Variants in PRKDC observed in about 807,000 individuals in gnomAD.
The protein encoded by PRKDC is protein kinase, DNA-activated, catalytic subunit.
PRKDC carries 82 observed loss-of-function variants against 486.9 expected under a neutral mutation model. The ratio of observed to expected loss-of-function variants is 0.17; its 90% CI spans 0.14 to 0.20. The LOEUF (loss-of-function observed/expected upper bound fraction) is 0.20. Among genes scored for constraint, PRKDC ranks in the 10% least tolerant of loss-of-function variants. PRKDC has a pLI of 1.00. For missense variants in PRKDC, 4,504 were observed against 5,038.2 expected (o/e 0.89, Z 3.21); for synonymous variants, 1,895 against 1,837.0 (o/e 1.03, Z -0.81).
chr8:47,935,586 A>G (rs2090336233), intron 13 of PRKDC, 146 bp downstream of exon 13: 2 of 680,494 alleles, frequency 2.9e-6, no homozygotes, highest in Non-Finnish European at 2.3e-6. Flanking sequence ...GAAAAAAAGG[A>G]AAAGATTTTG....
chr8:47,789,749 C>T (rs2086854837), intron 74 of PRKDC, among the ~76,000 whole-genome samples: 1 of 152,088 alleles, frequency 6.6e-6, no homozygotes, highest in South Asian at 2.1e-4. Context: ...AAGGATAGAT[C>T]AAATCAATCA....
At chr8:47,922,558 G>C (rs540555159) in intron 21 of PRKDC, among the ~76,000 whole-genome samples, 1 of 151,222 alleles carries the variant, frequency 6.6e-6, no homozygotes, top group Non-Finnish European at 1.5e-5. Context: ...CTCATCCCTC[G>C]GTCAATCAAA....
chr8:47,944,925 A>C (rs2090506349), intron 7 of PRKDC, among the ~76,000 whole-genome samples: 1 of 152,234 alleles, frequency 6.6e-6, no homozygotes, highest in South Asian at 2.1e-4. Context: ...ATGAGATACA[A>C]AAAAAGCTAC....
intron 64 of PRKDC, 141 bp downstream of exon 64, chr8:47,823,717 A>T (rs370960725): frequency 2.6e-5 from 26 of 983,370 alleles, no homozygotes; most frequent in East Asian, 1.7e-4. Flanking sequence ...AAGGAAACCA[A>T]TTTTCTTCCT....
chr8:47,903,094 G>GA lies in PRKDC; in HGVS notation c.3043-300dup, dbSNP rs562953406. On this transcript the variant is annotated intron_variant, in intron 26 of 85. Coordinates refer to ENST00000314191, the MANE Select transcript of PRKDC (RefSeq NM_006904.7). Reference sequence around the variant, plus strand: ...TAACAAAACAATCTTTCCCTTCCCTGAAAAAAAAGAAAATGGCTATATCCT... The same window carrying GA: ...TAACAAAACAATCTTTCCCTTCCCTGAAAAAAAAAGAAAATGGCTATATCCT... 4.5e-4 allele frequency among the ~76,000 whole-genome samples: 69 copies of GA among 151,910 alleles called. No homozygotes were observed. In the East Asian group the frequency reaches 0.012, roughly 26 times the overall value.
rs3213447 is a variant in PRKDC at position 47,888,919 on chromosome 8, C to T, written c.4280+95G>A. ...CAAACATCCCACTGATATAAGCCTT[C>T]CCTGAGGAAGCAGGAGCAGCTGCAG... On this transcript the variant is annotated intron_variant, in intron 33 of 85. Coordinates refer to ENST00000314191, the MANE Select transcript of PRKDC (RefSeq NM_006904.7). 1,925 of 1,309,344 alleles carry T rather than the reference C, an allele frequency of 1.5e-3. 38 individuals carry two copies. The East Asian group carries it at 0.023, about 16-fold the overall frequency. 81.1% of individuals were successfully genotyped at this position (1,309,344 alleles called of 1,614,324 possible). A position where few individuals can be genotyped will look rare whatever the true frequency, so the allele number is the denominator to read the frequency against.
chr8:47,791,677 G>A (rs975230390), intron 74 of PRKDC, among the ~76,000 whole-genome samples: 15 of 152,024 alleles, frequency 9.9e-5, no homozygotes, highest in Admixed American at 9.2e-4. Context: ...AAACCACAAC[G>A]AGGTATCATC....
chr8:47,804,238 C>A (rs1310553242), intron 69 of PRKDC, among the ~76,000 whole-genome samples: 5 of 151,528 alleles, frequency 3.3e-5, no homozygotes, highest in East Asian at 1.9e-4. Flanking sequence ...GTTGCAGCAC[C>A]TGTCAGCACT....
chr8:47,937,754 C>T (rs1379063888), intron 11 of PRKDC, among the ~76,000 whole-genome samples: 1 of 152,148 alleles, frequency 6.6e-6, no homozygotes, highest in East Asian at 1.9e-4. Flanking sequence ...GAGCCTTCTG[C>T]CATTCTGTTT....
chr8:47,788,774 AACAG>A (rs2086835691), intron 76 of PRKDC, 128 bp downstream of exon 76: 1 of 1,000,606 alleles, frequency 1.0e-6, no homozygotes. Context: ...TAAAGCATTC[AACAG>A]ACATTTTAAA....
At chr8:47,837,487 G>C (rs990952064) in intron 56 of PRKDC, 68 bp from the exon 57 acceptor site, 26 of 1,267,036 alleles carry the variant, frequency 2.1e-5, no homozygotes, top group Non-Finnish European at 2.9e-5. Context: ...TGCTGTACAG[G>C]GTGTCCTGTG....
At position 47,887,760 on chromosome 8, in the gene PRKDC, AC is replaced by A. The variant is rs537020909; in HGVS notation, c.4414-56del. ...GCAAAAAGATATTTCTTAGAAAAAA[AC>A]AACTTCACTCCTCTCATTAAATAAA... On this transcript the variant is annotated intron_variant, in intron 34 of 85. Transcript: ENST00000314191. 6.2e-4 allele frequency: 938 copies of A among 1,512,916 alleles called. 1 individual carries two copies. The highest frequency in any genetic ancestry group is 7.1e-4 in the Non-Finnish European group (802 of 1,127,192). 93.7% of individuals were successfully genotyped at this position (1,512,916 alleles called of 1,614,324 possible).
intron 54 of PRKDC, among the ~76,000 whole-genome samples, chr8:47,848,678 C>G (rs2088331218): frequency 6.7e-6 from 1 of 149,928 alleles, no homozygotes; most frequent in Non-Finnish European, 1.5e-5. Flanking sequence ...GGTATATGGA[C>G]TAATAGACTA....
intron 68 of PRKDC, among the ~76,000 whole-genome samples, chr8:47,816,995 T>C (rs1419590929): frequency 6.6e-6 from 1 of 152,142 alleles, no homozygotes; most frequent in Admixed American, 6.5e-5. Context: ...ATGGAGAAGA[T>C]GAGGACATGA....
intron 58 of PRKDC, among the ~76,000 whole-genome samples, chr8:47,835,824 G>A (rs1415354573): frequency 7.3e-5 from 11 of 151,396 alleles, no homozygotes; most frequent in African/African-American, 1.9e-4. Context: ...GTGCAGTGGC[G>A]TGATCACAGA....
rs369318356 is a variant in PRKDC at position 47,774,486 on chromosome 8, G to C, written c.12183-109C>G. On this transcript the variant is annotated intron_variant, in intron 85 of 85. Transcript: ENST00000314191. ...CATTCCCCACGTCATCACTCACAGA[G>C]TATTTTCTGTGGCTTATAACCTTGA... The C allele has an allele frequency of 4.2e-5, 43 of 1,024,988 alleles. 2 individuals are homozygous for C. The African/African-American group carries it at 6.3e-4, about 15-fold the overall frequency. 63.5% of individuals were successfully genotyped at this position (1,024,988 alleles called of 1,614,324 possible). A position where few individuals can be genotyped will look rare whatever the true frequency, so the allele number is the denominator to read the frequency against.
intron 21 of PRKDC, among the ~76,000 whole-genome samples, chr8:47,923,121 C>T (rs904617292): frequency 2.6e-4 from 39 of 150,918 alleles, no homozygotes; most frequent in African/African-American, 7.5e-4. Flanking sequence ...TGGAGTGCAA[C>T]GGCGTGATCT....
At position 47,831,303 on chromosome 8, in the gene PRKDC, G is replaced by A. The variant is rs8178186; in HGVS notation, c.8265+511C>T. 3.8e-3 allele frequency among the ~76,000 whole-genome samples: 585 copies of A among 152,366 alleles called. 4 individuals carry two copies. Among genetic ancestry groups the A allele is most frequent in the South Asian group, 0.025 (120 of 4,828 alleles). ...AGCCGCTCCTGTGGCGGCGGCGGCT[G>A]GCGCTGAACTGGAGCACCGCGAGGG... is the stretch of plus-strand genomic sequence containing the variant. On this transcript the variant is annotated intron_variant, in intron 60 of 85. Coordinates refer to ENST00000314191, the MANE Select transcript of PRKDC (RefSeq NM_006904.7).
intron 44 of PRKDC, among the ~76,000 whole-genome samples, 161 bp from the exon 45 acceptor site, chr8:47,861,132 T>C (rs926813712): frequency 6.6e-6 from 1 of 152,112 alleles, no homozygotes; most frequent in African/African-American, 2.4e-5. Flanking sequence ...GACTAGTGAG[T>C]GTCCCTTAAG....
Sources: allele counts gnomAD v4.1 joint callset (sites outside exome capture counted in the v4.1 genomes callset), GRCh38; gene constraint gnomAD v4.1.1; transcripts MANE v1.5; gene names NCBI Gene and HGNC (gene_info 2026-07-23, HGNC 2026-07-21).